Variants in STIM2 observed in about 807,000 individuals in gnomAD.
STIM2 encodes the protein stromal interaction molecule 2.
Under a neutral mutation model 85.8 loss-of-function variants are expected in STIM2, and 31 were observed. The ratio of observed to expected loss-of-function variants is 0.36; its 90% CI spans 0.27 to 0.49. The LOEUF is 0.49. Among genes scored for constraint, STIM2 ranks in the 20% least tolerant of loss-of-function variants. The pLI is 0.98. For missense variants in STIM2, 841 were observed against 927.6 expected (o/e 0.91, Z 1.21); for synonymous variants, 356 against 331.1 (o/e 1.08, Z -0.82).
At chr4:26,929,686 A>G (rs1336135783) in intron 2 of STIM2, among the ~76,000 whole-genome samples, 1 of 151,592 alleles carries the variant, frequency 6.6e-6, no homozygotes, top group Non-Finnish European at 1.5e-5. Context: ...AAAATTCTTT[A>G]TTTTTATAAT....
intron 3 of STIM2, among the ~76,000 whole-genome samples, chr4:26,960,917 A>G (rs1182168357): frequency 6.6e-6 from 1 of 151,948 alleles, no homozygotes; most frequent in East Asian, 1.9e-4. Context: ...TACAAAAATT[A>G]ACTAGGCTTG....
chr4:26,870,746 A>G (rs2109028452), intron 1 of STIM2, among the ~76,000 whole-genome samples: 1 of 152,284 alleles, frequency 6.6e-6, no homozygotes, highest in South Asian at 2.1e-4. Context: ...CCTAGCTTGT[A>G]GTCTACTAGA....
intron 1 of STIM2, among the ~76,000 whole-genome samples, chr4:26,901,376 A>T (rs985746041): frequency 1.3e-5 from 2 of 152,204 alleles, no homozygotes; most frequent in African/African-American, 4.8e-5. Flanking sequence ...CAATAAACAT[A>T]TTAAATTCAT....
chr4:26,954,938 A>G lies in STIM2; in HGVS notation c.283-2674A>G, dbSNP rs1443197547. On this transcript the variant is annotated intron_variant, in intron 2 of 11. Transcript: ENST00000467087. ...ATTTTTAGATGGTAATTCCAGGGAA[A>G]ATACAATTCATTGTGTTTATTCAAT... Among the ~76,000 whole-genome samples, 3 of 147,190 alleles carry G rather than the reference A, an allele frequency of 2.0e-5. No homozygotes were observed. The East Asian group carries it at 5.8e-4, about 28-fold the overall frequency.
intron 2 of STIM2, among the ~76,000 whole-genome samples, chr4:26,943,704 G>A (rs1725706482): frequency 6.6e-6 from 1 of 152,068 alleles, no homozygotes; most frequent in Non-Finnish European, 1.5e-5. Context: ...CTCAGTGGAT[G>A]GGGCTAAGAA....
At chr4:26,995,336 G>T in intron 3 of STIM2, 43 bp from the exon 4 acceptor site, 2 of 995,644 alleles carry the variant, frequency 2.0e-6, no homozygotes, top group South Asian at 1.7e-5. Flanking sequence ...ATTTCTGAAA[G>T]CAGGTGTGTT....
chr4:26,861,504 C>G, intron 1 of STIM2, 135 bp downstream of exon 1: 1 of 1,207,242 alleles, frequency 8.3e-7, no homozygotes, highest in African/African-American at 1.6e-5. Flanking sequence ...GCCCTGCCTG[C>G]TGCTTCGTCG....
At chr4:27,015,951 A>G (rs1343561191) in intron 10 of STIM2, among the ~76,000 whole-genome samples, 1 of 151,388 alleles carries the variant, frequency 6.6e-6, no homozygotes, top group Non-Finnish European at 1.5e-5. Context: ...TGCTAATATT[A>G]GTTTATTAGT....
In STIM2 at chr4:27,002,297, A is replaced by G; in HGVS notation, c.706A>G (p.Thr236Ala). 2 of 1,613,752 alleles carry G rather than the reference A, an allele frequency of 1.2e-6. No individual in the cohort carries two copies. The highest frequency in any genetic ancestry group is 1.7e-6 in the Non-Finnish European group (2 of 1,179,874). Residue 236 changes from threonine to alanine, a missense_variant, in exon 6 of 12, where the codon ACG becomes GCG. Thr to Ala is a moderately conservative substitution (Grantham distance 58, BLOSUM62 0). Transcript: ENST00000467087. ...TGTTGGAGGCTGCTGGTTTGCTTATACGCAGAATAAGACATCAAAAGAACA... is the reference window on the plus strand; with the variant it reads ...TGTTGGAGGCTGCTGGTTTGCTTATGCGCAGAATAAGACATCAAAAGAACA...
intron 3 of STIM2, among the ~76,000 whole-genome samples, chr4:26,962,338 G>A (rs1577465305): frequency 1.3e-5 from 2 of 152,160 alleles, no homozygotes; most frequent in South Asian, 2.1e-4. Context: ...TAAAAAGTTC[G>A]GCCATATTCA....
At chr4:27,014,345 C>T (rs1462854785) in intron 10 of STIM2, among the ~76,000 whole-genome samples, 2 of 151,868 alleles carry the variant, frequency 1.3e-5, no homozygotes, top group African/African-American at 4.8e-5. Flanking sequence ...TAGCCACCTC[C>T]ACAAGTTTTG....
At chr4:26,917,387 G>A (rs1724623125) in intron 1 of STIM2, among the ~76,000 whole-genome samples, 2 of 152,012 alleles carry the variant, frequency 1.3e-5, no homozygotes, top group South Asian at 4.1e-4. Context: ...GGTATTTCTG[G>A]TGCCTGACAT....
Position 27,008,977 on chromosome 4 carries a change from AC to A in STIM2, c.1469del (p.Pro490GlnfsTer2), listed in dbSNP as rs763485098. 6.2e-7 allele frequency: 1 copy of A among 1,614,020 alleles called. No homozygotes were observed. The highest frequency in any genetic ancestry group is 8.5e-7 in the Non-Finnish European group (1 of 1,179,978). On this transcript the variant is annotated frameshift_variant, in exon 10 of 12. Transcript: ENST00000467087. LOFTEE classifies it high-confidence loss of function. The stretch of plus-strand genomic sequence containing the variant: ...GAGTTGATGACTTAGATGAAGACAC[AC>A]CCCCAATAGTGTCACAATTTCCCGG...
chr4:26,989,809 TAC>T (rs1278033291), intron 3 of STIM2, among the ~76,000 whole-genome samples: 1 of 152,108 alleles, frequency 6.6e-6, no homozygotes, highest in Non-Finnish European at 1.5e-5. Flanking sequence ...AGCATCTCTA[TAC>T]ATTAGCAGAG....
chr4:26,945,178 C>A (rs537537300), intron 2 of STIM2, among the ~76,000 whole-genome samples: 1 of 152,114 alleles, frequency 6.6e-6, no homozygotes, highest in Admixed American at 6.5e-5. Context: ...CTCCCACTTA[C>A]AAATGAGAAC....
At chr4:27,019,570 A>T in intron 11 of STIM2, 1 of 1,041,950 alleles carries the variant, frequency 9.6e-7, no homozygotes, top group Admixed American at 2.5e-5. Context: ...GCTAGCTCTC[A>T]TAAATAAGAG....
intron 1 of STIM2, among the ~76,000 whole-genome samples, chr4:26,872,975 A>T (rs918893387): frequency 2.0e-5 from 3 of 152,192 alleles, no homozygotes; most frequent in Non-Finnish European, 2.9e-5. Context: ...TTATTTGAAG[A>T]AATGAAAGAG....
At chr4:27,014,579 G>T (rs1728674839) in intron 10 of STIM2, among the ~76,000 whole-genome samples, 1 of 151,296 alleles carries the variant, frequency 6.6e-6, no homozygotes, top group South Asian at 2.1e-4. Flanking sequence ...TGTATTTCCT[G>T]ATACTTGCCT....
At chr4:26,936,058 G>A (rs1232098659) in intron 2 of STIM2, among the ~76,000 whole-genome samples, 6 of 152,110 alleles carry the variant, frequency 3.9e-5, no homozygotes, top group Non-Finnish European at 5.9e-5. Context: ...TTTTTTATGT[G>A]GGGGAGGATC....
Sources: gnomAD v4.1 joint callset for allele counts (sites outside exome capture counted in the v4.1 genomes callset) on GRCh38, gnomAD v4.1.1 for gene constraint, MANE v1.5 for transcripts, NCBI Gene and HGNC (gene_info 2026-07-23, HGNC 2026-07-21) for gene names.